The following ZNF728 variants were observed in gnomAD, a reference collection of about 807,000 sequenced individuals.
The protein encoded by ZNF728 is zinc finger protein 728.
Under a neutral mutation model 12.5 loss-of-function variants are expected in ZNF728, and 12 were observed. That is an observed-to-expected ratio of 0.96 (90% confidence interval 0.61 to 1.55). The LOEUF is 1.55. Among genes scored for constraint, ZNF728 ranks in the 40% most tolerant of loss-of-function variants. The probability of loss-of-function intolerance (pLI) is 0.00; values close to 1 mark genes in which losing one functional copy is unlikely to be tolerated. For synonymous variants in ZNF728, 205 were observed against 240.7 expected, an observed-to-expected ratio of 0.85 and a Z score of 1.37; for missense variants, 692 against 719.2, an observed-to-expected ratio of 0.96 and a Z score of 0.43.
rs1968777812 is a variant in ZNF728 at position 22,975,007 on chromosome 19, T to C, written c.*461A>G. ...TTTCTCCAGTATGAGATATCTTACCTACAATCAAGTGTGACAGCCATTTAA... is the reference window on the plus strand; with the variant it reads ...TTTCTCCAGTATGAGATATCTTACCCACAATCAAGTGTGACAGCCATTTAA... On this transcript the variant is annotated 3_prime_UTR_variant, in exon 4 of 4. Transcript: ENST00000594710. Among the ~76,000 whole-genome samples the C allele has an allele frequency of 6.6e-6, 1 of 152,182 alleles. No individual in the cohort carries two copies. The highest frequency in any genetic ancestry group is 6.6e-5 in the Admixed American group (1 of 15,266).
Position 22,994,375 on chromosome 19 carries a change from A to G in ZNF728, c.4-5924T>C, listed in dbSNP as rs546244536. ...TACATTATGTCTGGTAATTCTAGAC[A>G]GGATTTGGAAAATATAATTAAAAGC... On this transcript the variant is annotated intron_variant, in intron 1 of 3. Transcript: ENST00000594710. Among the ~76,000 whole-genome samples the G allele has an allele frequency of 2.0e-5, 3 of 152,366 alleles. No homozygotes were observed. The South Asian group carries it at 6.2e-4, about 32-fold the overall frequency.
Position 22,976,843 on chromosome 19 carries a change from ATCTTATG to A in ZNF728, c.487_493del (p.His163Ter). The A allele has an allele frequency of 6.2e-7, 1 of 1,613,188 alleles. No individual in the cohort carries two copies. Among genetic ancestry groups the A allele is most frequent in the South Asian group, 1.1e-5 (1 of 91,072 alleles). Reference sequence around the variant, plus strand: ...CAAAAGTTTCTTTCCAGTATGCCTTATCTTATGTCTTTTTGAATTTGAACATTTATGA... The same window carrying A: ...CAAAAGTTTCTTTCCAGTATGCCTTATCTTTTTGAATTTGAACATTTATGA... On this transcript the variant is annotated frameshift_variant, in exon 4 of 4. Transcript: ENST00000594710. LOFTEE classifies it low-confidence loss of function (END_TRUNC).
chr19:22,985,381 A>T (rs1368135286), intron 3 of ZNF728, among the ~76,000 whole-genome samples: 1 of 152,220 alleles, frequency 6.6e-6, no homozygotes, highest in African/African-American at 2.4e-5. Flanking sequence ...AATGACAGCT[A>T]CATGGTACAG....
At chr19:22,989,051 C>CAAAAAAAAAAAAAAAAAAAAAAAAAA (rs68080575) in intron 1 of ZNF728, among the ~76,000 whole-genome samples, 1 of 50,172 alleles carries the variant, frequency 2.0e-5, no homozygotes, top group Non-Finnish European at 3.9e-5. Flanking sequence ...AACTCCATCT[C>CAAAAAAAAAAAAAAAAAAAAAAAAAA]AAAAAAAAAA....
Position 22,977,807 on chromosome 19 carries a change from A to G in ZNF728, c.227-697T>C, listed in dbSNP as rs539241380. Among the ~76,000 whole-genome samples, 5 of 152,204 alleles carry G rather than the reference A, an allele frequency of 3.3e-5. No homozygotes were observed. The South Asian group carries it at 6.2e-4, about 19-fold the overall frequency. On this transcript the variant is annotated intron_variant, in intron 3 of 3. Coordinates refer to ENST00000594710, the MANE Select transcript of ZNF728 (RefSeq NM_001267716.2). ...TTTCTGACTACACCAGGACAAAGCTATATTATAAATTTTTAAATGTCCAAA... is the reference window on the plus strand; with the variant it reads ...TTTCTGACTACACCAGGACAAAGCTGTATTATAAATTTTTAAATGTCCAAA...
chr19:22,977,108 T>C lies in ZNF728; in HGVS notation c.229A>G (p.Ile77Val), dbSNP rs1968815611. The C allele has an allele frequency of 6.5e-7, 1 of 1,550,152 alleles. No individual in the cohort carries two copies. Among genetic ancestry groups the C allele is most frequent in the Non-Finnish European group, 8.7e-7 (1 of 1,154,352 alleles). ...AGGTCTTGAGCAAAATGAGAACATA[T>C]AACTGAAAAGAAATAAAAATAACAA... ...RHELVKEPPV[I>V]CSHFAQDLWP... Residue 77 changes from isoleucine to valine, a missense_variant and splice_region_variant, in exon 4 of 4, where the codon ATA becomes GTA. Ile to Val is a conservative substitution (Grantham distance 29). Transcript: ENST00000594710.
intron 3 of ZNF728, among the ~76,000 whole-genome samples, chr19:22,980,278 C>T (rs1968848741): frequency 6.7e-6 from 1 of 149,064 alleles, no homozygotes; most frequent in Admixed American, 6.7e-5. Context: ...TCAAAAGAGA[C>T]AAAGATGGGC....
rs1162041444 is a variant in ZNF728 at position 23,002,960 on chromosome 19, C to T, written c.3+68G>A. ...CTGAGAGGAGGCCTGAGTCCCGCCA[C>T]AGCCACTTCCCACCGGTTCCAACCA... On this transcript the variant is annotated intron_variant, in intron 1 of 3. Transcript: ENST00000594710. The T allele has an allele frequency of 4.4e-6, 7 of 1,584,122 alleles. No homozygotes were observed. In the East Asian group the frequency reaches 1.6e-4, roughly 37 times the overall value.
At chr19:22,986,974 T>C (rs942706853) in intron 3 of ZNF728, among the ~76,000 whole-genome samples, 10 of 152,136 alleles carry the variant, frequency 6.6e-5, no homozygotes, top group African/African-American at 2.2e-4. Context: ...TAGTTTAACA[T>C]GGAGTACCTT....
At chr19:23,001,425 T>TA (rs1329882004) in intron 1 of ZNF728, among the ~76,000 whole-genome samples, 1 of 152,206 alleles carries the variant, frequency 6.6e-6, no homozygotes, top group East Asian at 1.9e-4. Flanking sequence ...CAGGTTGTCT[T>TA]ATGGGAGATC....
At chr19:22,988,473 A>T (rs1968944365) in intron 1 of ZNF728, 22 bp from the exon 2 acceptor site, 2 of 1,612,040 alleles carry the variant, frequency 1.2e-6, no homozygotes, top group African/African-American at 1.3e-5. Flanking sequence ...ACACAAACAC[A>T]CATATTTACC....
intron 1 of ZNF728, among the ~76,000 whole-genome samples, chr19:23,002,788 G>A (rs1288488749): frequency 2.0e-5 from 3 of 152,200 alleles, no homozygotes; most frequent in South Asian, 2.1e-4. Context: ...GCGGCCCCAA[G>A]AGGGCTCCAG....
At chr19:22,997,085 TGGACAGATCATTGAA>T (rs1969058292) in intron 1 of ZNF728, among the ~76,000 whole-genome samples, 1 of 152,180 alleles carries the variant, frequency 6.6e-6, no homozygotes, top group Admixed American at 6.5e-5. Context: ...CAAGCACTAA[TGGACAGATCATTGAA>T]GAAGAAAATT....
intron 1 of ZNF728, among the ~76,000 whole-genome samples, chr19:22,996,343 T>C (rs1969050195): frequency 1.3e-5 from 2 of 152,210 alleles, no homozygotes; most frequent in Admixed American, 1.3e-4. Context: ...CACATAACTA[T>C]ACTAACTGTA....
chr19:22,978,471 G>C lies in ZNF728; in HGVS notation c.227-1361C>G, dbSNP rs370139786. 3.3e-5 allele frequency among the ~76,000 whole-genome samples: 5 copies of C among 152,156 alleles called. No homozygotes were observed. The East Asian group carries it at 9.6e-4, about 29-fold the overall frequency. ...AGCAGTTCTTACCACTGAAAATAAC[G>C]TAACATAAAAAAACAACACCTAGCG... On this transcript the variant is annotated intron_variant, in intron 3 of 3. Transcript: ENST00000594710.
Position 22,976,918 on chromosome 19 carries a change from G to A in ZNF728, c.419C>T (p.Thr140Ile). The stretch of plus-strand genomic sequence containing the variant: ...GCCACATTGAAATACTTTGCTTTGT[G>A]TAGTTGTCAAACTCTGGTTAAGCTT... ...YNKLNQSLTT[T>I]QSKVFQCGKY... Residue 140 changes from threonine to isoleucine, a missense_variant, in exon 4 of 4, where the codon ACA (threonine) becomes ATA (isoleucine). Thr to Ile is a moderately conservative substitution (Grantham distance 89). Coordinates refer to ENST00000594710, the MANE Select transcript of ZNF728 (RefSeq NM_001267716.2). The A allele has an allele frequency of 1.9e-6, 3 of 1,613,416 alleles. No homozygotes were observed. The highest frequency in any genetic ancestry group is 1.7e-6 in the Non-Finnish European group (2 of 1,179,732).
At chr19:22,987,479 G>A (rs1968930444) in intron 2 of ZNF728, 76 bp from the exon 3 acceptor site, 1 of 1,328,792 alleles carries the variant, frequency 7.5e-7, no homozygotes, top group Non-Finnish European at 1.0e-6. Context: ...GCTCAGTAAA[G>A]AGGATGTGAT....
rs180797459 is a variant in ZNF728 at position 22,997,027 on chromosome 19, T to A, written c.3+6001A>T. Among the ~76,000 whole-genome samples the A allele has an allele frequency of 3.6e-3, 545 of 152,250 alleles. 3 individuals carry two copies. The highest frequency in any genetic ancestry group is 0.013 in the African/African-American group (527 of 41,548). On this transcript the variant is annotated intron_variant, in intron 1 of 3. Transcript: ENST00000594710. ...AATAAAGCAAGTTCTTAGAGACCTA[T>A]GAAGAGACTTAGAATCTGACACAGT...
chr19:23,002,446 TAAG>T lies in ZNF728; in HGVS notation c.3+579_3+581del, dbSNP rs1055815846. ...AAATTTCCATCTTGATAGTACGAAT[TAAG>T]AAACTACGTAACTGTACCTAACCAA... On this transcript the variant is annotated intron_variant, in intron 1 of 3. Coordinates refer to ENST00000594710, the MANE Select transcript of ZNF728 (RefSeq NM_001267716.2). Among the ~76,000 whole-genome samples the T allele has an allele frequency of 1.6e-4, 25 of 152,204 alleles. No individual in the cohort carries two copies. In the South Asian group the frequency reaches 2.1e-3, roughly 13 times the overall value.
Sources: gnomAD v4.1 joint callset for allele counts (sites outside exome capture counted in the v4.1 genomes callset) on GRCh38, gnomAD v4.1.1 for gene constraint, MANE v1.5 for transcripts, NCBI Gene and HGNC (gene_info 2026-07-23, HGNC 2026-07-21) for gene names.